The following MCTP1 variants were observed in gnomAD, a reference collection of about 807,000 sequenced individuals.
The protein encoded by MCTP1 is multiple C2 and transmembrane domain-containing protein 1.
MCTP1 carries 69 observed loss-of-function variants against 120.6 expected under a neutral mutation model. That is an observed-to-expected ratio of 0.57 (90% confidence interval 0.47 to 0.70). The LOEUF (loss-of-function observed/expected upper bound fraction) is 0.70. Among genes scored for constraint, MCTP1 ranks in the 30% least tolerant of loss-of-function variants. The pLI, the probability that MCTP1 is intolerant of heterozygous loss-of-function variation, is 0.00. For missense variants in MCTP1, 1,203 were observed against 1,248.8 expected (o/e 0.96, Z 0.55); for synonymous variants, 529 against 493.1 (o/e 1.07, Z -0.96).
At chr5:94,933,752 A>G (rs1303469994) in intron 5 of MCTP1, among the ~76,000 whole-genome samples, 1 of 151,892 alleles carries the variant, frequency 6.6e-6, no homozygotes, top group Non-Finnish European at 1.5e-5. Flanking sequence ...TCATGGCAAC[A>G]CTAGCCAATA....
intron 1 of MCTP1, among the ~76,000 whole-genome samples, chr5:95,266,642 T>C (rs1468143171): frequency 6.6e-6 from 1 of 152,218 alleles, no homozygotes; most frequent in Non-Finnish European, 1.5e-5. Flanking sequence ...GGGCATGGCT[T>C]CTGTCATGAA....
chr5:94,724,613 G>A (rs901432122), intron 19 of MCTP1, among the ~76,000 whole-genome samples: 6 of 152,068 alleles, frequency 3.9e-5, no homozygotes, highest in African/African-American at 1.4e-4. Context: ...TGCATCCATC[G>A]ATTTGACCAA....
intron 1 of MCTP1, among the ~76,000 whole-genome samples, chr5:95,229,906 G>A (rs1037607948): frequency 6.6e-6 from 1 of 152,052 alleles, no homozygotes; most frequent in African/African-American, 2.4e-5. Context: ...CTGGAAAAGT[G>A]ATCTCCCACA....
chr5:95,138,558 G>C (rs547088773), intron 1 of MCTP1, among the ~76,000 whole-genome samples: 1 of 152,128 alleles, frequency 6.6e-6, no homozygotes, highest in African/African-American at 2.4e-5. Context: ...TTAAAGAGAG[G>C]TTTCCTGGAA....
At chr5:95,214,494 A>G (rs1752807032) in intron 1 of MCTP1, among the ~76,000 whole-genome samples, 1 of 152,140 alleles carries the variant, frequency 6.6e-6, no homozygotes, top group African/African-American at 2.4e-5. Context: ...ATACCATTTG[A>G]CCTAGCCATC....
chr5:94,963,090 C>T (rs1824685969), intron 2 of MCTP1, among the ~76,000 whole-genome samples: 3 of 152,026 alleles, frequency 2.0e-5, no homozygotes, highest in Admixed American at 2.0e-4. Context: ...GCTTGTGACT[C>T]AAACATCTTC....
At chr5:95,192,823 ATT>A (rs1749971233) in intron 1 of MCTP1, among the ~76,000 whole-genome samples, 1 of 152,102 alleles carries the variant, frequency 6.6e-6, no homozygotes, top group African/African-American at 2.4e-5. Context: ...ACAAAGGCCT[ATT>A]ACGGTTCCAG....
At chr5:95,035,177 C>T (rs1253564402) in intron 1 of MCTP1, among the ~76,000 whole-genome samples, 1 of 151,910 alleles carries the variant, frequency 6.6e-6, no homozygotes, top group East Asian at 1.9e-4. Context: ...TCTCAAAGAA[C>T]TAAAAATAAA....
In MCTP1 at chr5:94,743,745, C is replaced by A. The variant is rs549529527; in HGVS notation, c.2611-28859G>T. Among the ~76,000 whole-genome samples the A allele has an allele frequency of 1.2e-3, 175 of 150,456 alleles. 1 individual carries two copies. The highest frequency in any genetic ancestry group is 4.1e-3 in the African/African-American group (169 of 40,902). On this transcript the variant is annotated intron_variant, in intron 19 of 22. Coordinates refer to ENST00000515393, the MANE Select transcript of MCTP1 (RefSeq NM_024717.7). ...CTCCGCCTTCCGGGTTCACGCCATT[C>A]TCCTGCCTCAGCCTCCCGAGTAGCT...
At chr5:94,936,610 G>T (rs1244104560) in intron 5 of MCTP1, among the ~76,000 whole-genome samples, 1 of 152,046 alleles carries the variant, frequency 6.6e-6, no homozygotes, top group Non-Finnish European at 1.5e-5. Context: ...TGATCAATAA[G>T]TATTTTGTTT....
At chr5:94,886,826 C>G (rs959595450) in intron 12 of MCTP1, among the ~76,000 whole-genome samples, 1 of 152,012 alleles carries the variant, frequency 6.6e-6, no homozygotes, top group African/African-American at 2.4e-5. Context: ...TTACTTGTGT[C>G]CCAAATTTAA....
intron 1 of MCTP1, among the ~76,000 whole-genome samples, chr5:95,022,385 T>C (rs1838363633): frequency 6.6e-6 from 1 of 152,188 alleles, no homozygotes; most frequent in Admixed American, 6.6e-5. Flanking sequence ...AGGGCTGCCT[T>C]CCCTTCTTGT....
rs1192821514 is a variant in MCTP1 at position 94,870,478 on chromosome 5, A to T, written c.2255T>A (p.Leu752Ter). 1 of 1,610,746 alleles carries T rather than the reference A, an allele frequency of 6.2e-7. No individual in the cohort carries two copies. ...CTGTTCTTTGGGTATTAATGTTCGT[A>T]AGCTGGCTTTCACCTATACATCAAC... ...DVIFNAVKAS[L>*]RTLIPKEQKY... The change falls in exon 16 of 23, where the codon TTA (leucine) becomes TAA (stop). Residue 752 changes from leucine to a stop codon, truncating the protein, a stop_gained. Transcript: ENST00000515393. LOFTEE classifies it high-confidence loss of function.
chr5:94,723,629 G>A (rs141978331), intron 19 of MCTP1, among the ~76,000 whole-genome samples: 77 of 149,896 alleles, frequency 5.1e-4, no homozygotes, highest in African/African-American at 1.8e-3. Flanking sequence ...TTCCTCTTTT[G>A]CAAGGCAGCC....
chr5:94,945,420 T>C (rs990082481), intron 3 of MCTP1, among the ~76,000 whole-genome samples: 1 of 152,224 alleles, frequency 6.6e-6, no homozygotes, highest in Non-Finnish European at 1.5e-5. Flanking sequence ...GGCTTCAATT[T>C]CTAGCTCAAA....
chr5:95,182,520 C>T (rs946730239), intron 1 of MCTP1, among the ~76,000 whole-genome samples: 2 of 152,130 alleles, frequency 1.3e-5, no homozygotes, highest in Non-Finnish European at 2.9e-5. Flanking sequence ...TTTTCTTATA[C>T]TTTCATAACT....
At chr5:94,879,932 G>GT (rs1204932571) in intron 12 of MCTP1, among the ~76,000 whole-genome samples, 1 of 152,016 alleles carries the variant, frequency 6.6e-6, no homozygotes, top group East Asian at 1.9e-4. Context: ...AGAATTGTGT[G>GT]TAACTAGATG....
intron 2 of MCTP1, among the ~76,000 whole-genome samples, chr5:94,981,404 G>A (rs1055492042): frequency 5.3e-5 from 8 of 152,168 alleles, no homozygotes; most frequent in African/African-American, 1.9e-4. Context: ...AGCTCTCAGA[G>A]TGAATAAATT....
At chr5:94,779,390 T>C (rs996892899) in intron 18 of MCTP1, among the ~76,000 whole-genome samples, 1 of 152,180 alleles carries the variant, frequency 6.6e-6, no homozygotes, top group African/African-American at 2.4e-5. Flanking sequence ...AAATGTTTTG[T>C]GACAACCTAA....
Sources: allele counts gnomAD v4.1 joint callset (sites outside exome capture counted in the v4.1 genomes callset), GRCh38; gene constraint gnomAD v4.1.1; transcripts MANE v1.5; gene names NCBI Gene and HGNC (gene_info 2026-07-23, HGNC 2026-07-21).